The following IL12RB2 variants were observed in gnomAD, a reference collection of about 807,000 sequenced individuals.
The protein encoded by IL12RB2 is interleukin-12 receptor subunit beta-2.
In IL12RB2, 82 loss-of-function variants were observed where a neutral mutation model predicts 89.4. That is an observed-to-expected ratio of 0.92 (90% CI 0.77 to 1.10). IL12RB2 has a LOEUF of 1.10. IL12RB2 is among the 50% of genes least tolerant of loss of function. IL12RB2 has a pLI of 0.00. For synonymous variants in IL12RB2, 368 were observed against 370.1 expected (o/e 0.99, Z 0.07); for missense variants, 963 against 1,031.9 (o/e 0.93, Z 0.92).
intron 14 of IL12RB2, among the ~76,000 whole-genome samples, chr1:67,381,313 G>A (rs905621960): frequency 2.6e-5 from 4 of 152,174 alleles, no homozygotes; most frequent in African/African-American, 9.7e-5. Flanking sequence ...CTCTAGCAAT[G>A]CTCATTTGCA....
chr1:67,321,887 G>C lies in IL12RB2; in HGVS notation c.362G>C (p.Gly121Ala), dbSNP rs751304372. The C allele has an allele frequency of 5.0e-6, 8 of 1,612,808 alleles. No homozygotes were observed. The African/African-American group carries it at 9.3e-5, about 19-fold the overall frequency. ...IQICGAEIFV[G>A]VAPEQPQNLS... ...ATATGTGGAGCAGAGATCTTCGTTG[G>C]TGGTGAGCATTCCATTTTGAATTTT... The change falls in exon 4 of 17, where the codon GGT (glycine) becomes GCT (alanine). Residue 121 changes from glycine (G) to alanine (A), a missense_variant and splice_region_variant. Coordinates refer to ENST00000674203, the MANE Select transcript of IL12RB2 (RefSeq NM_001374259.2).
chr1:67,341,979 G>T (rs1158875320), intron 9 of IL12RB2, among the ~76,000 whole-genome samples: 2 of 152,150 alleles, frequency 1.3e-5, no homozygotes, highest in Non-Finnish European at 2.9e-5. Flanking sequence ...TCCAGTGAGG[G>T]GATTTCAGGT....
chr1:67,324,765 G>T (rs1657066221), intron 4 of IL12RB2, among the ~76,000 whole-genome samples: 1 of 152,246 alleles, frequency 6.6e-6, no homozygotes, highest in Non-Finnish European at 1.5e-5. Flanking sequence ...AAGTGATCAA[G>T]TCCTTATCTA....
At chr1:67,383,738 G>GGATC (rs1664846932) in intron 14 of IL12RB2, among the ~76,000 whole-genome samples, 1 of 152,222 alleles carries the variant, frequency 6.6e-6, no homozygotes, top group African/African-American at 2.4e-5. Flanking sequence ...TAAGCCTAGT[G>GGATC]TTCCATTATT....
chr1:67,325,623 A>G (rs1028795524), intron 4 of IL12RB2, among the ~76,000 whole-genome samples: 1 of 152,260 alleles, frequency 6.6e-6, no homozygotes, highest in African/African-American at 2.4e-5. Context: ...GCTAGATATC[A>G]TTATACCCAT....
At chr1:67,360,423 G>A (rs968213133) in intron 10 of IL12RB2, among the ~76,000 whole-genome samples, 8 of 150,744 alleles carry the variant, frequency 5.3e-5, no homozygotes, top group South Asian at 2.1e-4. Flanking sequence ...AAAGGAGATT[G>A]ACCAGGTTAT....
At chr1:67,366,452 C>CAAAAAAA (rs11329710) in intron 10 of IL12RB2, among the ~76,000 whole-genome samples, 10 of 53,382 alleles carry the variant, frequency 1.9e-4, no homozygotes, top group South Asian at 7.1e-4. Context: ...GACTCCATCT[C>CAAAAAAA]AAAAAAAAAA....
At chr1:67,355,422 GAAAAAA>G (rs1171395256) in intron 10 of IL12RB2, among the ~76,000 whole-genome samples, 2 of 93,676 alleles carry the variant, frequency 2.1e-5, no homozygotes, top group Admixed American at 2.6e-4. Flanking sequence ...GTCTCAAAAA[GAAAAAA>G]AAAAAAAAAA....
intron 8 of IL12RB2, among the ~76,000 whole-genome samples, chr1:67,334,385 TAAAC>T (rs1658483071): frequency 6.6e-6 from 1 of 152,248 alleles, no homozygotes; most frequent in Admixed American, 6.5e-5. Context: ...TGACAATACC[TAAAC>T]AAACAGGCAT....
chr1:67,367,919 T>A lies in IL12RB2; in HGVS notation c.1353T>A (p.Val451=). 5.0e-6 allele frequency: 8 copies of A among 1,607,416 alleles called. No homozygotes were observed. The highest frequency in any genetic ancestry group is 6.8e-6 in the Non-Finnish European group (8 of 1,173,826). ...WQPPRKDPSA[V]QEYVVEWREL... is the part of the protein sequence containing the mutation. ...CTCCCAGGAAAGATCCCTCTGCTGTTCAGGAGTACGTGGTGGAATGGAGAG... is the reference window on the plus strand; with the variant it reads ...CTCCCAGGAAAGATCCCTCTGCTGTACAGGAGTACGTGGTGGAATGGAGAG... Residue 451 remains valine, a synonymous_variant, in exon 11 of 17, where the codon GTT becomes GTA. Transcript: ENST00000674203.
Position 67,322,632 on chromosome 1 carries a change from G to A in IL12RB2, c.364+743G>A, listed in dbSNP as rs532846458. On this transcript the variant is annotated intron_variant, in intron 4 of 16. Coordinates refer to ENST00000674203, the MANE Select transcript of IL12RB2 (RefSeq NM_001374259.2). ...TGCAGCTGGTTGTTTATACACTTAG[G>A]GACATTCCCAGAAAGAGCATATAGA... Among the ~76,000 whole-genome samples, 18 of 151,216 alleles carry A rather than the reference G, an allele frequency of 1.2e-4. No homozygotes were observed. In the South Asian group the frequency reaches 3.8e-3, roughly 32 times the overall value.
At chr1:67,309,008 A>G (rs1344066959) in intron 1 of IL12RB2, among the ~76,000 whole-genome samples, 1 of 152,018 alleles carries the variant, frequency 6.6e-6, no homozygotes, top group Non-Finnish European at 1.5e-5. Flanking sequence ...CAACAGAGCG[A>G]GACTCTGTCT....
intron 15 of IL12RB2, among the ~76,000 whole-genome samples, chr1:67,387,633 G>A (rs1047372970): frequency 2.0e-5 from 3 of 150,822 alleles, no homozygotes; most frequent in South Asian, 4.2e-4. Flanking sequence ...GAACCTGGGA[G>A]GTGGAGATTG....
chr1:67,345,813 G>A (rs1042304283), intron 9 of IL12RB2, among the ~76,000 whole-genome samples: 4 of 152,144 alleles, frequency 2.6e-5, no homozygotes, highest in African/African-American at 7.2e-5. Flanking sequence ...GCTGAAAGTA[G>A]GGAATTTTGA....
At chr1:67,342,578 T>C (rs1569916954) in intron 9 of IL12RB2, among the ~76,000 whole-genome samples, 1 of 151,868 alleles carries the variant, frequency 6.6e-6, no homozygotes, top group African/African-American at 2.4e-5. Context: ...GGTGTGAATA[T>C]GTAGGTATGT....
At chr1:67,377,027 G>A (rs1664058144) in intron 13 of IL12RB2, among the ~76,000 whole-genome samples, 1 of 152,164 alleles carries the variant, frequency 6.6e-6, no homozygotes, top group Admixed American at 6.5e-5. Flanking sequence ...TTCTCAACAG[G>A]ATGTAAACTA....
intron 15 of IL12RB2, among the ~76,000 whole-genome samples, chr1:67,389,323 G>A (rs1342121275): frequency 7.4e-6 from 1 of 135,396 alleles, no homozygotes; most frequent in South Asian, 2.5e-4. Flanking sequence ...TAGACAAATT[G>A]TAAAGCATAC....
rs140096734 is a variant in IL12RB2 at position 67,350,487 on chromosome 1, G to A, written c.1039-383G>A. Among the ~76,000 whole-genome samples, 334 of 152,340 alleles carry A rather than the reference G, an allele frequency of 2.2e-3. 1 individual carries two copies. The highest frequency in any genetic ancestry group is 6.8e-3 in the Middle Eastern group (2 of 294). On this transcript the variant is annotated intron_variant, in intron 9 of 16. Coordinates refer to ENST00000674203, the MANE Select transcript of IL12RB2 (RefSeq NM_001374259.2). ...CAAATTTAGAAATGGAGACTCAGAG[G>A]GGCTGAGTGCCTTGCCCTTGGGCTG...
At chr1:67,351,223 G>A in intron 10 of IL12RB2, 134 bp downstream of exon 10, 1 of 1,484,786 alleles carries the variant, frequency 6.7e-7, no homozygotes, top group Non-Finnish European at 9.0e-7. Context: ...GCTTTCAGAG[G>A]CTTTTTTTTT....
Sources: allele counts gnomAD v4.1 joint callset (sites outside exome capture counted in the v4.1 genomes callset), GRCh38; gene constraint gnomAD v4.1.1; transcripts MANE v1.5; gene names NCBI Gene and HGNC (gene_info 2026-07-23, HGNC 2026-07-21).